The following SCN11A variants were observed in gnomAD, a reference collection of about 807,000 sequenced individuals.
SCN11A encodes sodium voltage-gated channel alpha subunit 11, also known as sodium channel protein type 11 subunit alpha.
Under a neutral mutation model 162.2 loss-of-function variants are expected in SCN11A, and 122 were observed. The observed-to-expected ratio is 0.75, with a 90% CI of 0.65 to 0.87. SCN11A has a LOEUF of 0.87. SCN11A is among the 40% of genes least tolerant of loss of function. SCN11A has a pLI of 0.00. For missense variants in SCN11A, 2,015 were observed against 2,181.6 expected, an observed-to-expected ratio of 0.92 and a Z score of 1.52; for synonymous variants, 758 against 751.5, an observed-to-expected ratio of 1.01 and a Z score of -0.14.
chr3:39,018,603 G>A (rs1165986790), intron 2 of SCN11A, among the ~76,000 whole-genome samples: 9 of 152,174 alleles, frequency 5.9e-5, no homozygotes, highest in African/African-American at 2.2e-4. Flanking sequence ...TGGATCATGA[G>A]GTCAGGAGAT....
chr3:38,949,290 C>T (rs1442076414), intron 5 of SCN11A, among the ~76,000 whole-genome samples: 1 of 152,240 alleles, frequency 6.6e-6, no homozygotes, highest in Non-Finnish European at 1.5e-5. Flanking sequence ...CAGCCTCAGG[C>T]TCTAGAGCAG....
chr3:38,954,007 T>C (rs913070011), intron 3 of SCN11A, among the ~76,000 whole-genome samples: 13 of 152,150 alleles, frequency 8.5e-5, no homozygotes, highest in African/African-American at 3.1e-4. Flanking sequence ...AGTAGTTGGA[T>C]TGTGTTTCAG....
intron 2 of SCN11A, among the ~76,000 whole-genome samples, chr3:38,962,954 A>C (rs13084510): frequency 0.11 from 16,531 of 152,086 alleles, 985 homozygotes; most frequent in Middle Eastern, 0.16. Flanking sequence ...AAAAATGCTC[A>C]ACATCACTAA....
intron 11 of SCN11A, among the ~76,000 whole-genome samples, chr3:38,918,912 A>G (rs1472133723): frequency 6.6e-6 from 1 of 152,150 alleles, no homozygotes; most frequent in Non-Finnish European, 1.5e-5. Flanking sequence ...GTAGTTAGGC[A>G]ATTTTGTTGT....
At chr3:39,001,577 A>T (rs1319396411) in intron 2 of SCN11A, among the ~76,000 whole-genome samples, 1 of 152,062 alleles carries the variant, frequency 6.6e-6, no homozygotes, top group East Asian at 1.9e-4. Flanking sequence ...TTCTTCTAAG[A>T]GTTTTATAGT....
In SCN11A at chr3:38,847,440, GAC is replaced by G. The variant is rs765718876; in HGVS notation, c.4628_4629del (p.Cys1543SerfsTer25). ...CCTGCTGATGTGCTTATCTGGAAGA[GAC>G]AGAGCATGCTGCTGGCAAAAGTCTT... ...NFKTFASSMLCLFQISTSAGW... is the reference protein window; with the variant it reads ...NFKTFASSMLXLFQISTSAGW... On this transcript the variant is annotated frameshift_variant, in exon 30 of 30. Coordinates refer to ENST00000302328, the MANE Select transcript of SCN11A (RefSeq NM_001349253.2). LOFTEE classifies it low-confidence loss of function (END_TRUNC). The G allele has an allele frequency of 6.2e-7, 1 of 1,614,178 alleles. No individual in the cohort carries two copies. Among genetic ancestry groups the G allele is most frequent in the Non-Finnish European group, 8.5e-7 (1 of 1,180,028 alleles).
In SCN11A at chr3:38,847,191, A is replaced by G. The variant is rs114854233; in HGVS notation, c.4879T>C (p.Tyr1627His). 326 of 1,614,136 alleles carry G rather than the reference A, an allele frequency of 2.0e-4. No individual in the cohort carries two copies. Among genetic ancestry groups the G allele is most frequent in the Non-Finnish European group, 2.7e-4 (317 of 1,179,994 alleles). The change falls in exon 30 of 30, where the codon TAT becomes CAT. Residue 1627 changes from tyrosine (Y) to histidine (H), a missense_variant. Transcript: ENST00000302328. The part of the protein sequence containing the change: ...PLGEDDFDIF[Y>H]EVWEKFDPEA... ...GGGTCAAACTTTTCCCACACTTCATAAAATATGTCAAAGTCATCTTCACCC... is the reference window on the plus strand; with the variant it reads ...GGGTCAAACTTTTCCCACACTTCATGAAATATGTCAAAGTCATCTTCACCC...
intron 2 of SCN11A, among the ~76,000 whole-genome samples, chr3:38,981,403 C>T (rs1403625229): frequency 6.6e-6 from 1 of 152,048 alleles, no homozygotes. Context: ...AATTTGGCTC[C>T]AATATGAACA....
chr3:39,036,998 A>C lies in SCN11A; in HGVS notation c.-403-4495T>G, dbSNP rs2031919176. Among the ~76,000 whole-genome samples, 3 of 152,234 alleles carry C rather than the reference A, an allele frequency of 2.0e-5. No individual in the cohort carries two copies. The South Asian group carries it at 6.2e-4, about 32-fold the overall frequency. On this transcript the variant is annotated intron_variant, in intron 1 of 29. Transcript: ENST00000302328. ...GTATATAGCCAAAAGAAAGGAAATC[A>C]GTATATTGAAGAGATATCTGCACTC...
intron 2 of SCN11A, among the ~76,000 whole-genome samples, chr3:39,021,660 T>C (rs190060276): frequency 5.3e-4 from 81 of 152,254 alleles, no homozygotes; most frequent in African/African-American, 1.7e-3. Context: ...CTAAGTCATG[T>C]GGGAAAGGAT....
At chr3:38,958,689 T>C (rs1033312684) in intron 3 of SCN11A, among the ~76,000 whole-genome samples, 1 of 152,222 alleles carries the variant, frequency 6.6e-6, no homozygotes, top group African/African-American at 2.4e-5. Flanking sequence ...CATATGACTG[T>C]CATTGTCCTG....
intron 7 of SCN11A, among the ~76,000 whole-genome samples, chr3:38,938,517 T>TC (rs2066375554): frequency 7.7e-5 from 1 of 12,968 alleles, no homozygotes; most frequent in Non-Finnish European, 1.6e-4. Flanking sequence ...ATCATATATA[T>TC]ATATATATAT....
At chr3:38,910,642 G>A (rs757214904) in intron 11 of SCN11A, among the ~76,000 whole-genome samples, 70 of 152,116 alleles carry the variant, frequency 4.6e-4, no homozygotes, top group Non-Finnish European at 7.2e-4. Flanking sequence ...GCACTCTCCT[G>A]CACCTTGCTT....
At position 38,894,856 on chromosome 3, in the gene SCN11A, G is replaced by A. The variant is rs749301699; in HGVS notation, c.2512C>T (p.Arg838Ter). 1.1e-5 allele frequency: 17 copies of A among 1,614,054 alleles called. No individual in the cohort carries two copies. The highest frequency in any genetic ancestry group is 2.7e-5 in the African/African-American group (2 of 74,924). ...RKTKVQLALD[R>*]FRRAFCFVRH... ...ACAAAACAAAAAGCCCGGCGGAATC[G>A]ATCCAGTGCTAACTGGACTTTAGTT... Residue 838 changes from arginine to a stop codon, truncating the protein, a stop_gained, in exon 19 of 30, where the codon CGA becomes TGA. Transcript: ENST00000302328. LOFTEE classifies it high-confidence loss of function.
chr3:38,942,157 T>C (rs1338693915), intron 7 of SCN11A, among the ~76,000 whole-genome samples: 1 of 152,136 alleles, frequency 6.6e-6, no homozygotes, highest in Admixed American at 6.5e-5. Flanking sequence ...AGGATAATAA[T>C]AATCATCGTA....
intron 1 of SCN11A, among the ~76,000 whole-genome samples, chr3:39,048,676 C>G (rs1307706320): frequency 1.3e-5 from 2 of 152,190 alleles, no homozygotes; most frequent in African/African-American, 4.8e-5. Flanking sequence ...AATCCCCTCT[C>G]CTTAGACACT....
intron 3 of SCN11A, among the ~76,000 whole-genome samples, chr3:38,956,467 A>G (rs936653222): frequency 2.6e-5 from 4 of 152,220 alleles, no homozygotes; most frequent in African/African-American, 9.6e-5. Context: ...CAACTAAATG[A>G]TTTGAACCCT....
intron 7 of SCN11A, among the ~76,000 whole-genome samples, chr3:38,927,761 T>C (rs983424188): frequency 6.6e-6 from 1 of 152,052 alleles, no homozygotes; most frequent in African/African-American, 2.4e-5. Context: ...AATGAAACTA[T>C]CAGATCTCAT....
intron 16 of SCN11A, among the ~76,000 whole-genome samples, chr3:38,903,441 G>A (rs2065735975): frequency 6.6e-6 from 1 of 152,142 alleles, no homozygotes; most frequent in African/African-American, 2.4e-5. Flanking sequence ...ACAGCTGACA[G>A]GCCCTGATTC....
Sources: allele counts gnomAD v4.1 joint callset (sites outside exome capture counted in the v4.1 genomes callset), GRCh38; gene constraint gnomAD v4.1.1; transcripts MANE v1.5; gene names NCBI Gene and HGNC (gene_info 2026-07-23, HGNC 2026-07-21).